Variants in PRPF18 observed in about 807,000 individuals in gnomAD.
PRPF18 encodes the protein pre-mRNA processing factor 18.
PRPF18 carries 38 observed loss-of-function variants against 46.5 expected under a neutral mutation model. The observed-to-expected ratio is 0.82, with a 90% CI of 0.63 to 1.07. The LOEUF is 1.07. Ranked by LOEUF, PRPF18 falls within the 50% of genes least tolerant of loss-of-function variation. PRPF18 has a pLI of 0.00. For synonymous variants in PRPF18, 152 were observed against 146.7 expected (o/e 1.04, Z -0.26); for missense variants, 263 against 410.0 (o/e 0.64, Z 3.10).
intron 3 of PRPF18, among the ~76,000 whole-genome samples, chr10:13,604,273 C>G (rs775261462): frequency 1.3e-5 from 2 of 152,108 alleles, no homozygotes; most frequent in African/African-American, 4.8e-5. Flanking sequence ...AGGTAAAGCT[C>G]TTGGTGTTTC....
At chr10:13,646,755 A>G in the PRPF18 span, 1 of 152,770 alleles carries the variant, frequency 6.5e-6, no homozygotes, top group African/African-American at 2.4e-5. Context: ...TGGGACCGGA[A>G]CCTTCCAGAA....
At chr10:13,608,470 G>T (rs1375933926) in intron 4 of PRPF18, among the ~76,000 whole-genome samples, 2 of 152,200 alleles carry the variant, frequency 1.3e-5, no homozygotes, top group Non-Finnish European at 2.9e-5. Flanking sequence ...TGTCATTCCA[G>T]CCCCACAACA....
the PRPF18 span, chr10:13,643,138 TAGAG>T: frequency 6.6e-6 from 1 of 152,222 alleles, no homozygotes; most frequent in Non-Finnish European, 1.5e-5. Flanking sequence ...TGATGTGATT[TAGAG>T]AGTCAGTGGC....
At chr10:13,626,851 T>A (rs1438655695) in intron 9 of PRPF18, among the ~76,000 whole-genome samples, 1 of 151,930 alleles carries the variant, frequency 6.6e-6, no homozygotes, top group African/African-American at 2.4e-5. Flanking sequence ...CCCGGAATTA[T>A]CCTTGGCTTT....
At chr10:13,644,948 T>A in the PRPF18 span, 1 of 152,208 alleles carries the variant, frequency 6.6e-6, no homozygotes, top group South Asian at 2.1e-4. Context: ...GGAATATGAA[T>A]CCCTTCTGCA....
At chr10:13,635,542 A>G (rs1235553903), downstream of PRPF18, among the ~76,000 whole-genome samples, 1 of 152,308 alleles carries the variant, frequency 6.6e-6, no homozygotes, top group African/African-American at 2.4e-5. Flanking sequence ...TTTTCTCTAC[A>G]ACCTCACCAG....
At chr10:13,606,318 G>A (rs985194539) in intron 4 of PRPF18, among the ~76,000 whole-genome samples, 1 of 152,054 alleles carries the variant, frequency 6.6e-6, no homozygotes, top group Non-Finnish European at 1.5e-5. Context: ...GGCTTCTTTC[G>A]CTCAGCATAT....
intron 1 of PRPF18, 113 bp from the exon 2 acceptor site, chr10:13,597,345 A>G (rs993981111): frequency 4.3e-6 from 3 of 704,028 alleles, no homozygotes; most frequent in African/African-American, 3.6e-5. Context: ...ATTTTATCCA[A>G]TTCTTGAAAA....
chr10:13,633,106 C>G (rs994035925), downstream of PRPF18, among the ~76,000 whole-genome samples: 3 of 152,154 alleles, frequency 2.0e-5, no homozygotes, highest in African/African-American at 4.8e-5. Context: ...TGATTTCAGT[C>G]TTTGGGGGAC....
chr10:13,623,595 A>ATAC (rs2080452010), intron 9 of PRPF18, among the ~76,000 whole-genome samples: 1 of 152,232 alleles, frequency 6.6e-6, no homozygotes, highest in Non-Finnish European at 1.5e-5. Context: ...ACATGTCTTT[A>ATAC]TACTTAAATA....
At chr10:13,652,932 A>G in the PRPF18 span, 1 of 151,952 alleles carries the variant, frequency 6.6e-6, no homozygotes, top group Non-Finnish European at 1.5e-5. Flanking sequence ...AACTACCGGT[A>G]TAGTGGGGAA....
At chr10:13,591,516 A>G in intron 1 of PRPF18, 1 of 716,500 alleles carries the variant, frequency 1.4e-6, no homozygotes. Context: ...GATCGCAGGT[A>G]GTCCTGGAGC....
chr10:13,607,045 A>T (rs1048371703), intron 4 of PRPF18, among the ~76,000 whole-genome samples: 13 of 152,180 alleles, frequency 8.5e-5, no homozygotes, highest in African/African-American at 2.4e-5. Context: ...GCATCTTTTC[A>T]TAAAGTTGTG....
chr10:13,592,524 T>C (rs115080691), intron 1 of PRPF18, among the ~76,000 whole-genome samples: 1,943 of 152,330 alleles, frequency 0.013, 45 homozygotes, highest in African/African-American at 0.044. Context: ...TCTGTGATAG[T>C]TGAAATAATC....
At chr10:13,607,881 T>C (rs1413695713) in intron 4 of PRPF18, among the ~76,000 whole-genome samples, 1 of 152,234 alleles carries the variant, frequency 6.6e-6, no homozygotes, top group Non-Finnish European at 1.5e-5. Context: ...TAGCATATGG[T>C]TTATTCCATG....
chr10:13,635,485 T>C (rs866810961), downstream of PRPF18, among the ~76,000 whole-genome samples: 1 of 152,362 alleles, frequency 6.6e-6, no homozygotes, highest in African/African-American at 2.4e-5. Context: ...TCTTCAACAA[T>C]GGTTGAACTA....
chr10:13,592,879 A>G (rs1249772418), intron 1 of PRPF18, among the ~76,000 whole-genome samples: 1 of 152,248 alleles, frequency 6.6e-6, no homozygotes, highest in African/African-American at 2.4e-5. Flanking sequence ...TGCAGTAACA[A>G]TGCTACAATA....
At chr10:13,636,492 G>A in the PRPF18 span, among the ~76,000 whole-genome samples, 4 of 152,266 alleles carry the variant, frequency 2.6e-5, no homozygotes, top group South Asian at 4.1e-4. Flanking sequence ...CTAGTGTTAC[G>A]CGTCAAGTGT....
chr10:13,597,105 G>A (rs2080046456), intron 1 of PRPF18, among the ~76,000 whole-genome samples: 1 of 152,142 alleles, frequency 6.6e-6, no homozygotes, highest in Non-Finnish European at 1.5e-5. Context: ...ACCATTTTAT[G>A]TGTTTCATAA....
Sources: gnomAD v4.1 joint callset for allele counts (sites outside exome capture counted in the v4.1 genomes callset) on GRCh38, gnomAD v4.1.1 for gene constraint, MANE v1.5 for transcripts, NCBI Gene and HGNC (gene_info 2026-07-23, HGNC 2026-07-21) for gene names.